Variants in RRM2 observed in about 807,000 individuals in gnomAD.
RRM2 encodes the protein ribonucleotide reductase regulatory subunit M2.
In RRM2, 6 loss-of-function variants were observed where a neutral mutation model predicts 45.9. That is an observed-to-expected ratio of 0.13 (90% confidence interval 0.07 to 0.26). RRM2 has a LOEUF of 0.26. RRM2 is among the 10% of genes least tolerant of loss of function. The pLI is 1.00. For missense variants in RRM2, 343 were observed against 489.5 expected, an observed-to-expected ratio of 0.70 and a Z score of 2.82; for synonymous variants, 177 against 173.0, an observed-to-expected ratio of 1.02 and a Z score of -0.18.
intron 3 of RRM2, among the ~76,000 whole-genome samples, chr2:10,188,167 G>A (rs1431250116): frequency 6.6e-6 from 1 of 152,222 alleles, no homozygotes; most frequent in Non-Finnish European, 1.5e-5. Context: ...GTGAGTATGA[G>A]CAGGGCCCAG....
At chr2:10,145,238 T>C (rs1290435721) in intron 3 of RRM2, among the ~76,000 whole-genome samples, 1 of 149,878 alleles carries the variant, frequency 6.7e-6, no homozygotes. Context: ...TCTGGAGGGG[T>C]TTTTAGTGCT....
At chr2:10,188,229 C>T (rs1044346113) in intron 3 of RRM2, among the ~76,000 whole-genome samples, 2 of 152,182 alleles carry the variant, frequency 1.3e-5, no homozygotes, top group African/African-American at 4.8e-5. Context: ...GTCTGGTGCT[C>T]CCTCGGTGTC....
At chr2:10,144,316 A>G (rs1481539521) in intron 3 of RRM2, among the ~76,000 whole-genome samples, 1 of 152,180 alleles carries the variant, frequency 6.6e-6, no homozygotes, top group Non-Finnish European at 1.5e-5. Flanking sequence ...TACGCTTGCT[A>G]ATGCACGATT....
At chr2:10,174,224 A>C (rs1270617492) in intron 3 of RRM2, among the ~76,000 whole-genome samples, 1 of 152,224 alleles carries the variant, frequency 6.6e-6, no homozygotes, top group East Asian at 1.9e-4. Flanking sequence ...TTGGACTTCT[A>C]GTCCCCAGAA....
intron 4 of RRM2, 61 bp downstream of exon 4, chr2:10,123,913 G>T: frequency 1.1e-6 from 1 of 948,686 alleles, no homozygotes; most frequent in South Asian, 1.3e-5. Flanking sequence ...GAACTAGTTC[G>T]CTTTCCTCGT....
intron 3 of RRM2, among the ~76,000 whole-genome samples, chr2:10,208,047 G>A (rs974233694): frequency 2.0e-5 from 3 of 152,098 alleles, no homozygotes; most frequent in African/African-American, 7.2e-5. Context: ...GTGAATTTTT[G>A]TTCTTGTATA....
At chr2:10,155,201 G>T in intron 3 of RRM2, 1 of 291,402 alleles carries the variant, frequency 3.4e-6, no homozygotes, top group South Asian at 3.7e-5. Context: ...CTTGATTCAG[G>T]GCCTAATGGG....
chr2:10,142,749 G>A (rs757165361), intron 3 of RRM2, among the ~76,000 whole-genome samples: 1 of 152,130 alleles, frequency 6.6e-6, no homozygotes, highest in African/African-American at 2.4e-5. Flanking sequence ...CACCTCAGAC[G>A]ATGTGGCTGT....
At chr2:10,140,367 G>A (rs1030729211), upstream of RRM2, among the ~76,000 whole-genome samples, 5 of 152,234 alleles carry the variant, frequency 3.3e-5, no homozygotes, top group Non-Finnish European at 2.9e-5. Flanking sequence ...GTTTGTTTAC[G>A]TATGGTCTGT....
At position 10,195,799 on chromosome 2, in the gene RRM2, T is replaced by C. The variant is rs1199170519; in HGVS notation, n.483-14512T>C. On this transcript the variant is annotated intron_variant and non_coding_transcript_variant, in intron 3 of 3. Coordinates refer to the RRM2 transcript ENST00000381786. The surrounding 1 kb of genome is among the most constrained non-coding windows in gnomAD (Gnocchi z 4.9). ...TGTAGGACTGGTTGCCACAGGTAAG[T>C]AGTGACCTGGCCTGGCCGATGCTGT... 6.6e-6 allele frequency among the ~76,000 whole-genome samples: 1 copy of C among 152,032 alleles called. No individual in the cohort carries two copies. Among genetic ancestry groups the C allele is most frequent in the East Asian group, 1.9e-4 (1 of 5,174 alleles).
At chr2:10,201,521 A>T (rs967277612) in intron 3 of RRM2, among the ~76,000 whole-genome samples, 1 of 152,198 alleles carries the variant, frequency 6.6e-6, no homozygotes, top group Non-Finnish European at 1.5e-5. Flanking sequence ...CTCTATTCTG[A>T]TGTCACAATC....
At chr2:10,193,329 G>A (rs2125329864) in intron 3 of RRM2, among the ~76,000 whole-genome samples, 1 of 152,326 alleles carries the variant, frequency 6.6e-6, no homozygotes, top group East Asian at 1.9e-4. Context: ...CTGTGGGGCA[G>A]GGAGACTTCT....
downstream of RRM2, among the ~76,000 whole-genome samples, chr2:10,134,333 C>T (rs964485059): frequency 1.3e-5 from 2 of 152,148 alleles, no homozygotes; most frequent in East Asian, 1.9e-4. Flanking sequence ...CAGGGGCTGA[C>T]GTGCAATTGG....
rs1055552279 is a variant in RRM2, at chr2:10,169,809, C to T, written n.482+27434C>T. On this transcript the variant is annotated intron_variant and non_coding_transcript_variant, in intron 3 of 3. Coordinates refer to the RRM2 transcript ENST00000381786. The surrounding 1 kb of genome is among the most constrained non-coding windows in gnomAD (Gnocchi z 5.1). ...TGAGGCCAGGGGGGATGGCAGCCCC[C>T]GGGGATCTGAGGAAGTCTGGGAGCT... is the stretch of plus-strand genomic sequence containing the variant. Among the ~76,000 whole-genome samples the T allele has an allele frequency of 6.6e-6, 1 of 152,132 alleles. No individual in the cohort carries two copies. The highest frequency in any genetic ancestry group is 1.5e-5 in the Non-Finnish European group (1 of 68,024).
At chr2:10,147,132 T>C (rs2125313757) in intron 3 of RRM2, among the ~76,000 whole-genome samples, 1 of 152,134 alleles carries the variant, frequency 6.6e-6, no homozygotes, top group South Asian at 2.1e-4. Flanking sequence ...TTTGCATTTT[T>C]AGTAGACATG....
At chr2:10,180,303 G>A (rs1664020037) in intron 3 of RRM2, among the ~76,000 whole-genome samples, 1 of 152,240 alleles carries the variant, frequency 6.6e-6, no homozygotes, top group Admixed American at 6.5e-5. Context: ...TTCGCTGTGA[G>A]CCTGGAGGTT....
chr2:10,167,788 T>A (rs532101422), intron 3 of RRM2, among the ~76,000 whole-genome samples: 12 of 152,316 alleles, frequency 7.9e-5, no homozygotes, highest in African/African-American at 2.9e-4. Flanking sequence ...TGAAGATAAC[T>A]TGGCCGTTCT....
downstream of RRM2, among the ~76,000 whole-genome samples, chr2:10,131,647 G>T (rs1176300271): frequency 1.3e-5 from 2 of 152,192 alleles, no homozygotes; most frequent in Non-Finnish European, 2.9e-5. Context: ...GCTGAGGCAG[G>T]AGAATCACTT....
upstream of RRM2, chr2:10,122,645 G>A: frequency 6.5e-7 from 1 of 1,546,700 alleles, no homozygotes; most frequent in Non-Finnish European, 8.7e-7. Context: ...GCATGGCACA[G>A]CCAATGGGAA....
Sources: allele counts gnomAD v4.1 joint callset (sites outside exome capture counted in the v4.1 genomes callset), GRCh38; gene constraint gnomAD v4.1.1; non-coding constraint Gnocchi (gnomAD v3.1); transcripts MANE v1.5; gene names NCBI Gene and HGNC (gene_info 2026-07-23, HGNC 2026-07-21).